GCLM: variants seen among roughly 807,000 people sequenced by gnomAD.
GCLM encodes glutamate--cysteine ligase regulatory subunit.
A neutral mutation model predicts 36.0 loss-of-function variants in GCLM; 15 were observed. That is an observed-to-expected ratio of 0.42 (90% CI 0.28 to 0.64). GCLM has a LOEUF of 0.64. Ranked by LOEUF, GCLM falls within the 30% of genes least tolerant of loss-of-function variation. The pLI is 0.25. For synonymous variants in GCLM, 129 were observed against 122.8 expected (o/e 1.05, Z -0.34); for missense variants, 242 against 325.5 (o/e 0.74, Z 1.97).
At chr1:93,904,720 T>A (rs1657080311) in intron 1 of GCLM, 132 bp from the exon 2 acceptor site, 2 of 629,320 alleles carry the variant, frequency 3.2e-6, no homozygotes, top group East Asian at 2.9e-5. Flanking sequence ...CAAACCCCAA[T>A]TTTAATCCTA....
intron 3 of GCLM, among the ~76,000 whole-genome samples, chr1:93,899,868 T>TA (rs1445151876): frequency 6.6e-6 from 1 of 152,190 alleles, no homozygotes; most frequent in Non-Finnish European, 1.5e-5. Flanking sequence ...TATATGTACA[T>TA]ATTTACTTTA....
chr1:93,898,387 T>C (rs1360509072), intron 3 of GCLM, among the ~76,000 whole-genome samples: 1 of 150,080 alleles, frequency 6.7e-6, no homozygotes, highest in Admixed American at 6.7e-5. Context: ...TATCTTCCAG[T>C]TTTTGGTCAT....
intron 3 of GCLM, among the ~76,000 whole-genome samples, chr1:93,899,553 C>T (rs534653707): frequency 8.5e-5 from 13 of 152,216 alleles, no homozygotes; most frequent in African/African-American, 3.1e-4. Context: ...TTTTATTCAG[C>T]ATTATACTAT....
chr1:93,901,604 T>C lies in GCLM; in HGVS notation c.258A>G (p.Arg86=). ...HAVEKINPDE[R]EEMKVSAKLF... is the part of the protein sequence containing the mutation. ...CTTTACCAGAAACTTTCATTTCTTC[T>C]CTTTCATCAGGATTTATCTTTTCTA... The change falls in exon 3 of 7, where the codon AGA becomes AGG. Residue 86 remains arginine (R), a synonymous_variant. Transcript: ENST00000370238. The C allele has an allele frequency of 1.9e-6, 3 of 1,567,250 alleles. No individual in the cohort carries two copies. Among genetic ancestry groups the C allele is most frequent in the Non-Finnish European group, 2.6e-6 (3 of 1,139,258 alleles).
At chr1:93,895,116 G>A (rs1429024117) in intron 5 of GCLM, among the ~76,000 whole-genome samples, 1 of 150,454 alleles carries the variant, frequency 6.6e-6, no homozygotes, top group Non-Finnish European at 1.5e-5. Flanking sequence ...CCAGGTGCAA[G>A]CAATTCTCCT....
intron 6 of GCLM, among the ~76,000 whole-genome samples, chr1:93,890,978 T>C (rs1000641800): frequency 5.3e-5 from 8 of 151,816 alleles, no homozygotes; most frequent in African/African-American, 1.7e-4. Flanking sequence ...CTGGGCTCAA[T>C]GCATCCTTCC....
rs1195030066 is a variant in GCLM at position 93,896,754 on chromosome 1, C to A, written c.404G>T (p.Gly135Val). The change falls in exon 5 of 7, where the codon GGA becomes GTA. Residue 135 changes from glycine to valine, a missense_variant. Transcript: ENST00000370238. ...TAAATGCTCCAAGGAAAGATTAACT[C>A]CATCTTCAATAGGAGGTGAAGCAAT... is the stretch of plus-strand genomic sequence containing the variant. ...VIIASPPIED[G>V]VNLSLEHLQP... 6.2e-7 allele frequency: 1 copy of A among 1,610,400 alleles called. No homozygotes were observed. The highest frequency in any genetic ancestry group is 1.7e-5 in the Admixed American group (1 of 60,020).
At chr1:93,901,499 T>C in intron 3 of GCLM, 86 bp downstream of exon 3, 1 of 771,026 alleles carries the variant, frequency 1.3e-6, no homozygotes, top group Non-Finnish European at 2.3e-6. Context: ...ATTTAGTGTC[T>C]GAGCAAAGAA....
In GCLM at chr1:93,909,353, GGCGGGAAAGGAAGGCACCGGTGGCT is replaced by G; in HGVS notation, c.-215_-191del. 1 of 1,015,724 alleles carries G rather than the reference GGCGGGAAAGGAAGGCACCGGTGGCT, an allele frequency of 9.8e-7. No individual in the cohort carries two copies. Among genetic ancestry groups the G allele is most frequent in the Non-Finnish European group, 1.2e-6 (1 of 848,654 alleles). The allele number at this position is 1,015,724 out of a possible 1,614,324, so 62.9% of individuals were successfully genotyped here. A position where few individuals can be genotyped will look rare whatever the true frequency, so the allele number is the denominator to read the frequency against. On this transcript the variant is annotated 5_prime_UTR_variant, in exon 1 of 7. Transcript: ENST00000370238. ...GGAGGCCGGACGGCGGCTGGGCGGC[GGCGGGAAAGGAAGGCACCGGTGGCT>G]GCGGCTCCGGCTCCGGCTACTGCGG...
intron 2 of GCLM, chr1:93,904,256 A>C (rs1285036303): frequency 2.5e-6 from 1 of 407,022 alleles, no homozygotes; most frequent in Non-Finnish European, 4.5e-6. Flanking sequence ...ATATAAACTG[A>C]AATAAAACAC....
intron 2 of GCLM, among the ~76,000 whole-genome samples, chr1:93,903,578 A>G (rs1657038730): frequency 6.6e-6 from 1 of 151,040 alleles, no homozygotes; most frequent in South Asian, 2.1e-4. Flanking sequence ...TTAGCCTCCC[A>G]AAGTGCTGGG....
In GCLM at chr1:93,887,854, T is replaced by C. The variant is rs1258196531; in HGVS notation, c.*1136A>G. The C allele has an allele frequency of 6.6e-6, 1 of 152,198 alleles. No individual in the cohort carries two copies. The highest frequency in any genetic ancestry group is 6.5e-5 in the Admixed American group (1 of 15,290). 9.4% of individuals were successfully genotyped at this position (152,198 alleles called of 1,614,324 possible). ...GAATTAAGGAGATTTATAGTGTACA[T>C]CAAAGTTCATAGCTTATTTATTTGC... On this transcript the variant is annotated 3_prime_UTR_variant, in exon 7 of 7. Coordinates refer to ENST00000370238, the MANE Select transcript of GCLM (RefSeq NM_002061.4).
At chr1:93,902,852 G>GT (rs1272255815) in intron 2 of GCLM, among the ~76,000 whole-genome samples, 4 of 84,784 alleles carry the variant, frequency 4.7e-5, no homozygotes, top group South Asian at 3.8e-4. Flanking sequence ...GGCAACAACT[G>GT]ATCTTTTTAC....
chr1:93,902,542 AG>A (rs1307884956), intron 2 of GCLM, among the ~76,000 whole-genome samples: 1 of 151,642 alleles, frequency 6.6e-6, no homozygotes, highest in African/African-American at 2.4e-5. Flanking sequence ...AATATCAAGT[AG>A]AAGGTAGATT....
At chr1:93,892,540 A>C (rs1656574778) in intron 6 of GCLM, among the ~76,000 whole-genome samples, 1 of 152,234 alleles carries the variant, frequency 6.6e-6, no homozygotes, top group Non-Finnish European at 1.5e-5. Context: ...TATAGATTAA[A>C]GTGTCTGAAG....
rs1201212061 is a variant in GCLM, at chr1:93,886,249, A to G, written c.*2741T>C. On this transcript the variant is annotated 3_prime_UTR_variant, in exon 7 of 7. Coordinates refer to ENST00000370238, the MANE Select transcript of GCLM (RefSeq NM_002061.4). ...TATTTACTGGAAAAAAAACAATTATATAAACTTTCTACCTTGGTCTCACTG... is the reference window on the plus strand; with the variant it reads ...TATTTACTGGAAAAAAAACAATTATGTAAACTTTCTACCTTGGTCTCACTG... 6.6e-6 allele frequency: 1 copy of G among 152,064 alleles called. No homozygotes were observed. Among genetic ancestry groups the G allele is most frequent in the East Asian group, 1.9e-4 (1 of 5,200 alleles). The allele number at this position is 152,064 out of a possible 1,614,324, so 9.4% of individuals were successfully genotyped here.
intron 1 of GCLM, among the ~76,000 whole-genome samples, chr1:93,907,685 T>A (rs965583251): frequency 6.6e-6 from 1 of 152,186 alleles, no homozygotes; most frequent in Non-Finnish European, 1.5e-5. Flanking sequence ...GAAATATTTA[T>A]CTGTGGGAGA....
chr1:93,902,345 A>C (rs1318590170), intron 2 of GCLM, among the ~76,000 whole-genome samples: 1 of 151,594 alleles, frequency 6.6e-6, no homozygotes, highest in Admixed American at 6.6e-5. Context: ...CGCCTGACTA[A>C]TTTTTTGTAT....
At chr1:93,904,656 GAATA>G in intron 1 of GCLM, 68 bp from the exon 2 acceptor site, 1 of 951,334 alleles carries the variant, frequency 1.1e-6, no homozygotes, top group East Asian at 2.4e-5. Context: ...TCTACAATAA[GAATA>G]TATTAATTTG....
Sources: gnomAD v4.1 joint callset for allele counts (sites outside exome capture counted in the v4.1 genomes callset) on GRCh38, gnomAD v4.1.1 for gene constraint, MANE v1.5 for transcripts, NCBI Gene and HGNC (gene_info 2026-07-23, HGNC 2026-07-21) for gene names.